Variants in TMEM181 observed in about 807,000 individuals in gnomAD.
The protein encoded by TMEM181 is transmembrane protein 181.
In TMEM181, 39 loss-of-function variants were observed where a neutral mutation model predicts 71.9. The ratio of observed to expected loss-of-function variants is 0.54; its 90% confidence interval spans 0.42 to 0.71. The LOEUF (loss-of-function observed/expected upper bound fraction) is 0.71, where lower values mean the gene tolerates loss of function less well. Among genes scored for constraint, TMEM181 ranks in the 30% least tolerant of loss-of-function variants. TMEM181 has a pLI of 0.00. For missense variants in TMEM181, 595 were observed against 583.0 expected, an observed-to-expected ratio of 1.02 and a Z score of -0.21; for synonymous variants, 245 against 228.8, an observed-to-expected ratio of 1.07 and a Z score of -0.64.
chr6:158,536,966 G>A (rs1307112699), intron 1 of TMEM181: 1 of 906,408 alleles, frequency 1.1e-6, no homozygotes, highest in Non-Finnish European at 1.4e-6. Context: ...TCCCGCCGAC[G>A]GCCGCCTCCG....
chr6:158,619,207 TC>T (rs1453341153), intron 10 of TMEM181, among the ~76,000 whole-genome samples: 1 of 152,264 alleles, frequency 6.6e-6, no homozygotes, highest in Non-Finnish European at 1.5e-5. Flanking sequence ...TACTCTTTTT[TC>T]TCTGAACTTC....
chr6:158,628,638 C>G, intron 14 of TMEM181, 148 bp downstream of exon 14: 1 of 669,966 alleles, frequency 1.5e-6, no homozygotes, highest in South Asian at 1.8e-5. Context: ...AGAGGTGTCT[C>G]AGTTGGCCCC....
chr6:158,591,169 C>A (rs1204861441), intron 6 of TMEM181, among the ~76,000 whole-genome samples: 1 of 152,110 alleles, frequency 6.6e-6, no homozygotes, highest in South Asian at 2.1e-4. Context: ...GAGTTTTTTT[C>A]TCTGTCTACC....
intron 15 of TMEM181, among the ~76,000 whole-genome samples, chr6:158,630,417 G>C (rs1786594263): frequency 6.6e-6 from 1 of 152,022 alleles, no homozygotes; most frequent in Non-Finnish European, 1.5e-5. Flanking sequence ...GGTCGCTTGA[G>C]CCCAAGAGGA....
In TMEM181 at chr6:158,626,607, C is replaced by T. The variant is rs527390847; in HGVS notation, c.1109+853C>T. 1.1e-3 allele frequency: 522 copies of T among 456,956 alleles called. 7 individuals are homozygous for T. The highest frequency in any genetic ancestry group is 7.0e-3 in the South Asian group (452 of 64,562). 28.3% of individuals were successfully genotyped at this position (456,956 alleles called of 1,614,324 possible). A position where few individuals can be genotyped will look rare whatever the true frequency, so the allele number is the denominator to read the frequency against. ...CGTCCACCACCACTAGGAGTGTGAA[C>T]TCAGCTCAGACTTGGACTTGAACTC... On this transcript the variant is annotated intron_variant, in intron 13 of 16. Transcript: ENST00000684151.
intron 5 of TMEM181, among the ~76,000 whole-genome samples, chr6:158,588,598 T>A (rs1029595174): frequency 6.6e-6 from 1 of 152,094 alleles, no homozygotes; most frequent in South Asian, 2.1e-4. Context: ...TACAGGCGCC[T>A]GCCACCACAC....
chr6:158,597,686 T>A (rs185242431), intron 6 of TMEM181, among the ~76,000 whole-genome samples: 12 of 152,214 alleles, frequency 7.9e-5, no homozygotes, highest in East Asian at 3.9e-4. Context: ...TTTAATTTTT[T>A]ATTTTCTAGA....
intron 4 of TMEM181, among the ~76,000 whole-genome samples, chr6:158,585,007 T>C (rs1783685182): frequency 6.6e-6 from 1 of 152,216 alleles, no homozygotes; most frequent in Non-Finnish European, 1.5e-5. Flanking sequence ...ATGTGAGAAA[T>C]TAAAAATATA....
chr6:158,577,365 C>T (rs1423529808), intron 2 of TMEM181, among the ~76,000 whole-genome samples: 1 of 152,128 alleles, frequency 6.6e-6, no homozygotes, highest in Non-Finnish European at 1.5e-5. Flanking sequence ...AGGAAAGAAT[C>T]AGTGAATCTG....
chr6:158,586,636 A>C (rs1783787756), intron 5 of TMEM181, among the ~76,000 whole-genome samples: 1 of 152,082 alleles, frequency 6.6e-6, no homozygotes, highest in Non-Finnish European at 1.5e-5. Context: ...ATATACTGGC[A>C]CTGTTTTTCC....
intron 1 of TMEM181, among the ~76,000 whole-genome samples, chr6:158,537,047 C>A (rs1781141499): frequency 6.6e-6 from 1 of 151,790 alleles, no homozygotes; most frequent in African/African-American, 2.4e-5. Context: ...AGGAAGGGGA[C>A]GGGGAGCAGG....
intron 1 of TMEM181, 95 bp downstream of exon 1, chr6:158,560,327 C>T (rs1294479518): frequency 1.0e-6 from 1 of 984,598 alleles, no homozygotes; most frequent in South Asian, 4.7e-5. Flanking sequence ...GCCGCAGGGT[C>T]CCTGGCGCCC....
rs1786879150 is a variant in TMEM181, at chr6:158,635,064, CAA to C, written c.*3178_*3179del. ...AAAGATACAGATCTTTTCCCCTGGCCAAAGGGAAGTTGTATTAGTCTGTGACA... is the reference window on the plus strand; with the variant it reads ...AAAGATACAGATCTTTTCCCCTGGCCAGGGAAGTTGTATTAGTCTGTGACA... On this transcript the variant is annotated 3_prime_UTR_variant, in exon 17 of 17. Transcript: ENST00000684151. The C allele has an allele frequency of 6.6e-6, 1 of 151,534 alleles. No individual in the cohort carries two copies. The highest frequency in any genetic ancestry group is 1.5e-5 in the Non-Finnish European group (1 of 67,930). 9.4% of individuals were successfully genotyped at this position (151,534 alleles called of 1,614,324 possible).
chr6:158,539,687 T>C (rs1287332731), intron 1 of TMEM181, among the ~76,000 whole-genome samples: 1 of 152,220 alleles, frequency 6.6e-6, no homozygotes, highest in Admixed American at 6.5e-5. Context: ...AGTGAAGAGC[T>C]GCAGCTATGT....
At chr6:158,593,601 C>G (rs1784229631) in intron 6 of TMEM181, among the ~76,000 whole-genome samples, 1 of 152,206 alleles carries the variant, frequency 6.6e-6, no homozygotes, top group Non-Finnish European at 1.5e-5. Context: ...GCATAATCAA[C>G]ATTGTGCTGG....
At position 158,625,653 on chromosome 6, in the gene TMEM181, G is replaced by C. The variant is rs772621935; in HGVS notation, c.1058-50G>C. 8.1e-5 allele frequency: 120 copies of C among 1,477,918 alleles called. No homozygotes were observed. In the South Asian group the frequency reaches 9.8e-4, roughly 12 times the overall value. The allele number at this position is 1,477,918 out of a possible 1,614,324, so 91.6% of individuals were successfully genotyped here. A position where few individuals can be genotyped will look rare whatever the true frequency, so the allele number is the denominator to read the frequency against. ...TGTTTTTTATTTTTCAAAATAAAAT[G>C]CAAGTGGAATTTACTTCCAGAGTTG... On this transcript the variant is annotated intron_variant, in intron 12 of 16. Coordinates refer to ENST00000684151, the MANE Select transcript of TMEM181 (RefSeq NM_001376852.1).
rs1786797088 is a variant in TMEM181, at chr6:158,633,878, T to C, written c.*1990T>C. ...ACTTCTAATAAGACTACTATAACTT[T>C]ATGTAAACTGATGAAGATGTGCTGA... is the stretch of plus-strand genomic sequence containing the variant. On this transcript the variant is annotated 3_prime_UTR_variant, in exon 17 of 17. Transcript: ENST00000684151. 6.6e-6 allele frequency: 1 copy of C among 152,230 alleles called. No individual in the cohort carries two copies. The highest frequency in any genetic ancestry group is 1.5e-5 in the Non-Finnish European group (1 of 68,026). 9.4% of individuals were successfully genotyped at this position (152,230 alleles called of 1,614,324 possible). A position where few individuals can be genotyped will look rare whatever the true frequency, so the allele number is the denominator to read the frequency against.
chr6:158,563,119 T>C (rs754884439), intron 1 of TMEM181, among the ~76,000 whole-genome samples: 13 of 152,200 alleles, frequency 8.5e-5, no homozygotes, highest in Non-Finnish European at 1.9e-4. Flanking sequence ...TTCCCTAGTT[T>C]CCTGAATTTT....
chr6:158,539,359 A>G (rs1274013439), intron 1 of TMEM181, among the ~76,000 whole-genome samples: 1 of 152,224 alleles, frequency 6.6e-6, no homozygotes, highest in Non-Finnish European at 1.5e-5. Context: ...GCTGTACAAA[A>G]CTAGGTGAAA....
Sources: gnomAD v4.1 joint callset for allele counts (sites outside exome capture counted in the v4.1 genomes callset) on GRCh38, gnomAD v4.1.1 for gene constraint, MANE v1.5 for transcripts, NCBI Gene and HGNC (gene_info 2026-07-23, HGNC 2026-07-21) for gene names.